The following MDN1 variants were observed in gnomAD, a reference collection of about 807,000 sequenced individuals.
The protein encoded by MDN1 is midasin AAA ATPase 1.
MDN1 carries 266 observed loss-of-function variants against 669.2 expected under a neutral mutation model. The observed-to-expected ratio is 0.40, with a 90% CI of 0.36 to 0.44. The LOEUF (loss-of-function observed/expected upper bound fraction) is 0.44. MDN1 is among the 20% of genes least tolerant of loss of function. The pLI is 1.00. For missense variants in MDN1, 5,940 were observed against 6,754.0 expected, an observed-to-expected ratio of 0.88 and a Z score of 4.22; for synonymous variants, 2,385 against 2,457.1, an observed-to-expected ratio of 0.97 and a Z score of 0.87.
At chr6:89,728,204 T>C (rs1460522996) in intron 36 of MDN1, among the ~76,000 whole-genome samples, 1 of 151,874 alleles carries the variant, frequency 6.6e-6, no homozygotes, top group African/African-American at 2.4e-5. Flanking sequence ...TTCTCAACAT[T>C]GGCTGTACTT....
At chr6:89,740,173 A>G in intron 32 of MDN1, 61 bp downstream of exon 32, 1 of 1,562,278 alleles carries the variant, frequency 6.4e-7, no homozygotes, top group Non-Finnish European at 8.7e-7. Context: ...TACTATATTT[A>G]CGAGTACCAG....
Position 89,683,223 on chromosome 6 carries a change from G to A in MDN1, c.12011C>T (p.Pro4004Leu). ...CAGTTCACTTGCAGCTCCATCTGTT[G>A]GCCTGGGCAAAAAGTCAGGCTGTTC... ...KEEQPDFLPR[P>L]TDGAASELSS... Residue 4004 changes from proline to leucine, a missense_variant, in exon 73 of 102, where the codon CCA becomes CTA. Coordinates refer to ENST00000369393, the MANE Select transcript of MDN1 (RefSeq NM_014611.3). The A allele has an allele frequency of 6.2e-7, 1 of 1,614,008 alleles. No individual in the cohort carries two copies. The highest frequency in any genetic ancestry group is 8.5e-7 in the Non-Finnish European group (1 of 1,180,002).
chr6:89,662,693 A>C, intron 86 of MDN1, 99 bp downstream of exon 86: 1 of 1,324,372 alleles, frequency 7.6e-7, no homozygotes, highest in Non-Finnish European at 1.0e-6. Context: ...GAACAAAACA[A>C]ATACAGAAAA....
chr6:89,716,715 G>A lies in MDN1; in HGVS notation c.6678C>T (p.Asp2226=). ...ACTTCAGGGCCTGAACCAACATGCT[G>A]TCAACCCATTCAAATGTGCCATGGC... ...GHSHGTFEWV[D]SMLVQALKSG... is the part of the protein sequence containing the mutation. Residue 2226 remains aspartate (D), a synonymous_variant, in exon 44 of 102, where the codon GAC becomes GAT. Coordinates refer to ENST00000369393, the MANE Select transcript of MDN1 (RefSeq NM_014611.3). 6.2e-7 allele frequency: 1 copy of A among 1,614,084 alleles called. No homozygotes were observed. Among genetic ancestry groups the A allele is most frequent in the East Asian group, 2.2e-5 (1 of 44,870 alleles).
intron 97 of MDN1, 24 bp downstream of exon 97, chr6:89,650,000 T>G (rs777176699): frequency 2.2e-5 from 36 of 1,612,520 alleles, no homozygotes; most frequent in Non-Finnish European, 3.0e-5. Context: ...CCTATCAAAC[T>G]GCCACTGCAT....
chr6:89,671,635 G>C (rs2128304036), intron 82 of MDN1, among the ~76,000 whole-genome samples: 1 of 152,280 alleles, frequency 6.6e-6, no homozygotes. Flanking sequence ...AGTGAGCCAT[G>C]GTCATGCCAC....
chr6:89,798,089 G>A (rs1468665402), intron 2 of MDN1, among the ~76,000 whole-genome samples: 2 of 150,934 alleles, frequency 1.3e-5, no homozygotes, highest in East Asian at 3.9e-4. Context: ...GGCTGAGGCA[G>A]GAGAATGGCG....
Position 89,643,973 on chromosome 6 carries a change from G to A in MDN1, c.*32C>T. On this transcript the variant is annotated 3_prime_UTR_variant, in exon 102 of 102. Coordinates refer to ENST00000369393, the MANE Select transcript of MDN1 (RefSeq NM_014611.3). ...TAAGCAATGTGACCTTCTGACCACA[G>A]TTAAGTCTCACTTTGGACTCTTCTT... 2 of 1,550,680 alleles carry A rather than the reference G, an allele frequency of 1.3e-6. No individual in the cohort carries two copies. The highest frequency in any genetic ancestry group is 1.7e-6 in the Non-Finnish European group (2 of 1,147,082).
In MDN1 at chr6:89,758,272, T is replaced by C; in HGVS notation, c.2685A>G (p.Pro895=). Residue 895 remains proline (P), a synonymous_variant, in exon 19 of 102, where the codon CCA becomes CCG. Transcript: ENST00000369393. ...PATDVGKRNL[P]PGIRNRFTEL... ...ACCCTCACCTGTTTCTTATTCCTGGTGGGAGATTTCTTTTGCCTACATCAG... is the reference window on the plus strand; with the variant it reads ...ACCCTCACCTGTTTCTTATTCCTGGCGGGAGATTTCTTTTGCCTACATCAG... 6.2e-7 allele frequency: 1 copy of C among 1,610,422 alleles called. No homozygotes were observed. Among genetic ancestry groups the C allele is most frequent in the Non-Finnish European group, 8.5e-7 (1 of 1,177,958 alleles).
At chr6:89,770,658 T>C (rs1170372555) in intron 15 of MDN1, among the ~76,000 whole-genome samples, 1 of 151,984 alleles carries the variant, frequency 6.6e-6, no homozygotes, top group East Asian at 1.9e-4. Flanking sequence ...CACACCACCA[T>C]GCCCAACTAA....
At chr6:89,678,830 C>T (rs1007950810) in intron 74 of MDN1, 85 bp from the exon 75 acceptor site, 3 of 1,413,954 alleles carry the variant, frequency 2.1e-6, no homozygotes, top group Middle Eastern at 2.3e-4. Context: ...ACACCAGGGA[C>T]CTTCTGGAGA....
Position 89,751,569 on chromosome 6 carries a change from G to A in MDN1, c.3089C>T (p.Pro1030Leu). The change falls in exon 23 of 102, where the codon CCA (proline) becomes CTA (leucine). Residue 1030 changes from proline to leucine, a missense_variant. Coordinates refer to ENST00000369393, the MANE Select transcript of MDN1 (RefSeq NM_014611.3). ...AACCTGGATAAGCCGACCTCCTTTT[G>A]GCTCTGGAATAGGCTGAAAGACACA... ...KSLLKQPIPE[P>L]KGGRLIQVEG... 1 of 1,613,932 alleles carries A rather than the reference G, an allele frequency of 6.2e-7. No homozygotes were observed. Among genetic ancestry groups the A allele is most frequent in the Non-Finnish European group, 8.5e-7 (1 of 1,179,956 alleles).
chr6:89,699,736 A>C lies in MDN1; in HGVS notation c.8871-9T>G. The C allele has an allele frequency of 6.2e-7, 1 of 1,613,658 alleles. No homozygotes were observed. Among genetic ancestry groups the C allele is most frequent in the South Asian group, 1.1e-5 (1 of 91,012 alleles). On this transcript the variant is annotated splice_polypyrimidine_tract_variant and intron_variant, in intron 57 of 101. Coordinates refer to ENST00000369393, the MANE Select transcript of MDN1 (RefSeq NM_014611.3). ...GTTGATTTTTGCTGCATCTGTTCCA[A>C]AAATAAAGAGGGAGAGGGTGGGGTA...
At chr6:89,780,315 GA>G in intron 10 of MDN1, 22 bp from the exon 11 acceptor site, 1 of 1,504,396 alleles carries the variant, frequency 6.6e-7, no homozygotes, top group South Asian at 1.3e-5. Flanking sequence ...AGAAAGAAAA[GA>G]AAAAACAAAG....
intron 5 of MDN1, among the ~76,000 whole-genome samples, chr6:89,791,855 ATGT>A (rs1476067159): frequency 6.7e-6 from 1 of 149,666 alleles, no homozygotes; most frequent in African/African-American, 2.5e-5. Flanking sequence ...AACATGGTAA[ATGT>A]TGTATCAAAA....
At position 89,661,549 on chromosome 6, in the gene MDN1, AGGG is replaced by A; in HGVS notation, c.14592_14594del (p.Pro4865del). 6.2e-7 allele frequency: 1 copy of A among 1,614,176 alleles called. No individual in the cohort carries two copies. Among genetic ancestry groups the A allele is most frequent in the Non-Finnish European group, 8.5e-7 (1 of 1,180,024 alleles). The stretch of plus-strand genomic sequence containing the variant: ...GCACCTTTTCCTGATTGCCATGGTA[AGGG>A]TCCACCTCATTTTCATCATAGTCCC... On this transcript the variant is annotated inframe_deletion, in exon 88 of 102. Coordinates refer to ENST00000369393, the MANE Select transcript of MDN1 (RefSeq NM_014611.3).
At position 89,813,561 on chromosome 6, in the gene MDN1, A is replaced by C. The variant is rs573828503; in HGVS notation, c.102+5945T>G. ...GCAGACTCTGTCTCAAAAAAAAAAA[A>C]AAAAACAAAAAAGAAAGAAATTAGC... On this transcript the variant is annotated intron_variant, in intron 1 of 101. Transcript: ENST00000369393. Among the ~76,000 whole-genome samples, 177 of 151,560 alleles carry C rather than the reference A, an allele frequency of 1.2e-3. 2 individuals carry two copies. In the South Asian group the frequency reaches 0.022, roughly 19 times the overall value.
chr6:89,752,808 T>C (rs1010425866), intron 22 of MDN1, among the ~76,000 whole-genome samples: 2 of 152,050 alleles, frequency 1.3e-5, no homozygotes, highest in Admixed American at 6.6e-5. Context: ...AAGATTCAGA[T>C]AGGTTAAAAA....
intron 70 of MDN1, 114 bp downstream of exon 70, chr6:89,685,709 CTAAA>C (rs773193263): frequency 1.2e-4 from 131 of 1,097,114 alleles, no homozygotes; most frequent in Non-Finnish European, 1.6e-4. Flanking sequence ...TTAAACATAA[CTAAA>C]TGTGTCTTGT....
Sources: gnomAD v4.1 joint callset for allele counts (sites outside exome capture counted in the v4.1 genomes callset) on GRCh38, gnomAD v4.1.1 for gene constraint, MANE v1.5 for transcripts, NCBI Gene and HGNC (gene_info 2026-07-23, HGNC 2026-07-21) for gene names.